Variants in POMP observed in about 807,000 individuals in gnomAD.
POMP encodes proteasome maturation protein, also known as 2510048O06Rik.
A neutral mutation model predicts 20.6 loss-of-function variants in POMP; 12 were observed. That is an observed-to-expected ratio of 0.58 (90% CI 0.37 to 0.94). The LOEUF (loss-of-function observed/expected upper bound fraction) is 0.94. Ranked by LOEUF, POMP falls within the 40% of genes least tolerant of loss-of-function variation. The probability of loss-of-function intolerance (pLI) is 0.01; values close to 1 mark genes in which losing one functional copy is unlikely to be tolerated. For synonymous variants in POMP, 53 were observed against 55.0 expected (o/e 0.96, Z 0.16); for missense variants, 136 against 161.1 (o/e 0.84, Z 0.84).
chr13:28,668,331 A>C, intron 3 of POMP, 142 bp from the exon 4 acceptor site: 1 of 636,468 alleles, frequency 1.6e-6, no homozygotes, highest in Non-Finnish European at 2.8e-6. Context: ...GTCAGAAAAA[A>C]TTAGTAAAAA....
Position 28,678,182 on chromosome 13 carries a change from A to G in POMP, c.*80A>G. ...ACTGTAATTTGATGTACACAACATT[A>G]AAAGTACTGACACCTGAGAATTTCT... On this transcript the variant is annotated 3_prime_UTR_variant, in exon 6 of 6. Coordinates refer to ENST00000380842, the MANE Select transcript of POMP (RefSeq NM_015932.6). 1 of 1,365,064 alleles carries G rather than the reference A, an allele frequency of 7.3e-7. No homozygotes were observed. The allele number at this position is 1,365,064 out of a possible 1,614,324, so 84.6% of individuals were successfully genotyped here.
At chr13:28,665,973 G>C (rs139126424) in intron 3 of POMP, among the ~76,000 whole-genome samples, 165 of 152,258 alleles carry the variant, frequency 1.1e-3, no homozygotes, top group Admixed American at 0.01. Flanking sequence ...GTAGTCAGGT[G>C]GACACATAGG....
intron 4 of POMP, among the ~76,000 whole-genome samples, chr13:28,670,370 C>G (rs1335066004): frequency 1.3e-5 from 2 of 152,154 alleles, no homozygotes; most frequent in Non-Finnish European, 2.9e-5. Context: ...CCCTGCTCCC[C>G]CAAATCATTC....
chr13:28,659,419 C>T (rs1291546463), intron 1 of POMP, among the ~76,000 whole-genome samples: 1 of 152,228 alleles, frequency 6.6e-6, no homozygotes, highest in African/African-American at 2.4e-5. Flanking sequence ...TCCTGCTCCT[C>T]TTAGCTCGGT....
intron 5 of POMP, 75 bp from the exon 6 acceptor site, chr13:28,677,960 C>T (rs902238130): frequency 6.9e-6 from 10 of 1,453,216 alleles, no homozygotes; most frequent in Admixed American, 1.7e-5. Flanking sequence ...CTTCTGGATT[C>T]TTATGTAAGC....
rs780873971 is a variant in POMP, at chr13:28,664,513, T to C, written c.106T>C (p.Ser36Pro). Residue 36 changes from serine (S) to proline (P), a missense_variant, in exon 3 of 6, where the codon TCT becomes CCT. Ser to Pro is a moderately conservative substitution (Grantham distance 74, BLOSUM62 -1). Transcript: ENST00000380842. ...TTTTTTTTAATGTCCTTTCAGTTTT[T>C]CTTGTGTGAAAAATGAACTTTTGCC... ...ESHDLLRKGF[S>P]CVKNELLPSH... is the part of the protein sequence containing the mutation. 6.3e-7 allele frequency: 1 copy of C among 1,580,514 alleles called. No homozygotes were observed. Among genetic ancestry groups the C allele is most frequent in the Non-Finnish European group, 8.7e-7 (1 of 1,151,194 alleles).
intron 4 of POMP, 29 bp from the exon 5 acceptor site, chr13:28,672,310 A>T (rs374289767): frequency 6.7e-7 from 1 of 1,493,536 alleles, no homozygotes; most frequent in African/African-American, 1.4e-5. Context: ...GTTTTTTCTA[A>T]TCTTGTCCCT....
intron 4 of POMP, 24 bp from the exon 5 acceptor site, chr13:28,672,315 G>A: frequency 6.6e-7 from 1 of 1,505,272 alleles, no homozygotes; most frequent in Non-Finnish European, 9.2e-7. Context: ...TTCTAATCTT[G>A]TCCCTTCATA....
intron 1 of POMP, among the ~76,000 whole-genome samples, chr13:28,660,317 C>T (rs1229094640): frequency 1.3e-5 from 2 of 152,296 alleles, no homozygotes; most frequent in Non-Finnish European, 1.5e-5. Context: ...TATTTGAGTA[C>T]CAATACAGCC....
intron 1 of POMP, 90 bp downstream of exon 1, chr13:28,659,277 G>C: frequency 1.3e-6 from 2 of 1,539,378 alleles, no homozygotes; most frequent in Non-Finnish European, 1.7e-6. Context: ...CCCGTCCCCG[G>C]TGGCGGCGGC....
Position 28,662,732 on chromosome 13 carries a change from G to A in POMP, c.101+225G>A, listed in dbSNP as rs997649578. On this transcript the variant is annotated intron_variant, in intron 2 of 5. Transcript: ENST00000380842. Reference sequence around the variant, plus strand: ...TTAGAGCATCCTCCTAGGCAGTGGTGCCCATTAGCATGATTTGGTAGGATT... The same window carrying A: ...TTAGAGCATCCTCCTAGGCAGTGGTACCCATTAGCATGATTTGGTAGGATT... 2.0e-5 allele frequency among the ~76,000 whole-genome samples: 3 copies of A among 152,200 alleles called. 1 individual carries two copies. The East Asian group carries it at 5.8e-4, about 29-fold the overall frequency.
Position 28,663,764 on chromosome 13 carries a change from T to C in POMP, c.102-745T>C, listed in dbSNP as rs1884390749. Among the ~76,000 whole-genome samples, 3 of 152,346 alleles carry C rather than the reference T, an allele frequency of 2.0e-5. No homozygotes were observed. In the South Asian group the frequency reaches 6.2e-4, roughly 32 times the overall value. The stretch of plus-strand genomic sequence containing the variant: ...AATTTGATATTTATAATCAAGTTGA[T>C]TGGCTAGGCAGTAACTAAGGTCTGA... On this transcript the variant is annotated intron_variant, in intron 2 of 5. Coordinates refer to ENST00000380842, the MANE Select transcript of POMP (RefSeq NM_015932.6).
intron 5 of POMP, among the ~76,000 whole-genome samples, chr13:28,674,070 A>T (rs1010297282): frequency 2.6e-5 from 4 of 152,232 alleles, no homozygotes; most frequent in Admixed American, 6.5e-5. Flanking sequence ...AGTATTTCAG[A>T]CAGAAGAGAT....
intron 3 of POMP, among the ~76,000 whole-genome samples, chr13:28,666,521 CTCT>C (rs34688466): frequency 0.044 from 6,754 of 152,264 alleles, 497 homozygotes; most frequent in African/African-American, 0.15. Context: ...TCTACTGCAT[CTCT>C]TCTTCTTTAA....
At chr13:28,674,608 C>T (rs1884599457) in intron 5 of POMP, among the ~76,000 whole-genome samples, 1 of 151,992 alleles carries the variant, frequency 6.6e-6, no homozygotes, top group African/African-American at 2.4e-5. Context: ...AGGTTGAGAT[C>T]AAAAAGCTCA....
chr13:28,676,402 TATTA>T (rs1411116793), intron 5 of POMP, among the ~76,000 whole-genome samples: 4 of 152,230 alleles, frequency 2.6e-5, no homozygotes, highest in Admixed American at 6.5e-5. Context: ...CCCTGCCTTA[TATTA>T]ATTCTTTACA....
At chr13:28,667,627 CA>C (rs1186796966) in intron 3 of POMP, among the ~76,000 whole-genome samples, 3 of 152,060 alleles carry the variant, frequency 2.0e-5, no homozygotes, top group Non-Finnish European at 4.4e-5. Flanking sequence ...GATTTTTGTT[CA>C]AAATGACCTT....
intron 3 of POMP, among the ~76,000 whole-genome samples, chr13:28,664,869 A>C (rs1421464809): frequency 6.6e-6 from 1 of 151,840 alleles, no homozygotes; most frequent in Non-Finnish European, 1.5e-5. Flanking sequence ...TTTTCCTGCC[A>C]TTTTTGCTGT....
intron 2 of POMP, 25 bp downstream of exon 2, chr13:28,662,532 A>C (rs1428421636): frequency 6.5e-7 from 1 of 1,533,038 alleles, no homozygotes; most frequent in Admixed American, 1.7e-5. Flanking sequence ...TATGACTTTG[A>C]TTTTGTTATG....
Sources: allele counts gnomAD v4.1 joint callset (sites outside exome capture counted in the v4.1 genomes callset), GRCh38; gene constraint gnomAD v4.1.1; transcripts MANE v1.5; gene names NCBI Gene and HGNC (gene_info 2026-07-23, HGNC 2026-07-21).